DNAH5: variants seen among roughly 807,000 people sequenced by gnomAD.
DNAH5 encodes the protein axonemal beta dynein heavy chain 5.
In DNAH5, 372 loss-of-function variants were observed where a neutral mutation model predicts 518.2. The ratio of observed to expected loss-of-function variants is 0.72; its 90% confidence interval spans 0.66 to 0.78. The LOEUF (loss-of-function observed/expected upper bound fraction) is 0.78. Among genes scored for constraint, DNAH5 ranks in the 30% least tolerant of loss-of-function variants. The pLI, the probability that DNAH5 is intolerant of heterozygous loss-of-function variation, is 0.00. For missense variants in DNAH5, 5,523 were observed against 5,687.0 expected (o/e 0.97, Z 0.93); for synonymous variants, 2,039 against 2,025.9 (o/e 1.01, Z -0.17).
intron 12 of DNAH5, 132 bp downstream of exon 12, chr5:13,911,254 G>A: frequency 1.4e-6 from 1 of 725,726 alleles, no homozygotes; most frequent in Non-Finnish European, 2.5e-6. Context: ...CGAAACACAG[G>A]CTGAGGTTGC....
intron 1 of DNAH5, among the ~76,000 whole-genome samples, chr5:13,962,707 A>T (rs1373026035): frequency 6.6e-6 from 1 of 152,128 alleles, no homozygotes; most frequent in Non-Finnish European, 1.5e-5. Flanking sequence ...ACTTGATTAG[A>T]TATAAAGGGG....
Position 13,761,767 on chromosome 5 carries a change from C to A in DNAH5, c.10281+955G>T, listed in dbSNP as rs184915936. On this transcript the variant is annotated intron_variant, in intron 60 of 78. Transcript: ENST00000265104. ...TCCATGGTGTCAGACAGCATGACAT[C>A]AATTATTTGCTCTGAAATTCTCGGA... Among the ~76,000 whole-genome samples the A allele has an allele frequency of 4.1e-4, 62 of 152,300 alleles. 1 individual carries two copies. In the East Asian group the frequency reaches 9.3e-3, roughly 23 times the overall value.
At chr5:13,957,928 C>T (rs1780875636) in intron 1 of DNAH5, among the ~76,000 whole-genome samples, 2 of 151,506 alleles carry the variant, frequency 1.3e-5, no homozygotes, top group South Asian at 4.2e-4. Context: ...AATAAATATT[C>T]TAGCTCCCGT....
intron 3 of DNAH5, 128 bp downstream of exon 3, chr5:13,927,966 C>T (rs1778051968): frequency 1.4e-6 from 1 of 732,780 alleles, no homozygotes; most frequent in Non-Finnish European, 2.4e-6. Context: ...CACATGGACC[C>T]ACACACGCAT....
intron 65 of DNAH5, among the ~76,000 whole-genome samples, chr5:13,742,235 T>G (rs985055996): frequency 2.0e-5 from 3 of 152,124 alleles, no homozygotes; most frequent in African/African-American, 7.2e-5. Flanking sequence ...AATGAGAGCA[T>G]GGACTATCAA....
At chr5:13,828,326 T>C (rs1161295141) in intron 38 of DNAH5, among the ~76,000 whole-genome samples, 3 of 152,244 alleles carry the variant, frequency 2.0e-5, no homozygotes, top group Non-Finnish European at 4.4e-5. Context: ...AAAGATTATA[T>C]ATGTTAGGAA....
At chr5:13,995,223 C>T (rs927075448) in intron 1 of DNAH5, among the ~76,000 whole-genome samples, 2 of 152,190 alleles carry the variant, frequency 1.3e-5, no homozygotes, top group Non-Finnish European at 2.9e-5. Flanking sequence ...CTTCTTAAGT[C>T]TCCCACATTG....
chr5:14,006,801 T>C (rs1784750052), intron 1 of DNAH5, among the ~76,000 whole-genome samples: 1 of 152,244 alleles, frequency 6.6e-6, no homozygotes, highest in African/African-American at 2.4e-5. Flanking sequence ...GTGGGCTGAC[T>C]GACAGGAGGG....
Position 13,876,691 on chromosome 5 carries a change from G to T in DNAH5, c.3389C>A (p.Thr1130Asn). ...CAGACCCTCTTGACATACCTTTTTGGTGGAGTTGATAATTGTGCTAAGCAC... is the reference window on the plus strand; with the variant it reads ...CAGACCCTCTTGACATACCTTTTTGTTGGAGTTGATAATTGTGCTAAGCAC... Reference protein sequence around the residue: ...VSVLSTIINSTKKEVITSMDC... With the variant: ...VSVLSTIINSNKKEVITSMDC... The change falls in exon 22 of 79, where the codon ACC becomes AAC. Residue 1130 changes from threonine (T) to asparagine (N), a missense_variant. Thr to Asn is a moderately conservative substitution (Grantham distance 65). Transcript: ENST00000265104. 1.9e-6 allele frequency: 3 copies of T among 1,612,992 alleles called. No individual in the cohort carries two copies. In the African/African-American group the frequency reaches 4.0e-5, roughly 22 times the overall value.
At chr5:13,727,327 T>C (rs573415384) in intron 70 of DNAH5, among the ~76,000 whole-genome samples, 180 bp downstream of exon 70, 3 of 152,238 alleles carry the variant, frequency 2.0e-5, no homozygotes, top group Non-Finnish European at 4.4e-5. Flanking sequence ...AGCCCAAACA[T>C]ATGCCTCAAG....
chr5:13,838,413 G>A (rs934517433), intron 35 of DNAH5, among the ~76,000 whole-genome samples: 3 of 152,104 alleles, frequency 2.0e-5, no homozygotes, highest in Non-Finnish European at 2.9e-5. Context: ...TCACATAACC[G>A]CCTGAGCTCT....
chr5:13,719,926 C>T (rs1254660695), intron 71 of DNAH5, among the ~76,000 whole-genome samples: 2 of 152,206 alleles, frequency 1.3e-5, no homozygotes, highest in South Asian at 2.1e-4. Context: ...GGAAGGTCTT[C>T]GTGTAATGCA....
chr5:13,793,981 A>G lies in DNAH5; in HGVS notation c.7965T>C (p.Phe2655=), dbSNP rs2126913602. The part of the protein sequence containing the change: ...GPPAGKKMTV[F]IDDVNMPIIN... Reference sequence around the variant, plus strand: ...TTATTGGCATATTCACATCATCAATAAAAACAGTCATCTTCTTTCCCGCAG... The same window carrying G: ...TTATTGGCATATTCACATCATCAATGAAAACAGTCATCTTCTTTCCCGCAG... Residue 2655 remains phenylalanine, a synonymous_variant, in exon 48 of 79, where the codon TTT becomes TTC. Transcript: ENST00000265104. The G allele has an allele frequency of 6.2e-7, 1 of 1,614,122 alleles. No homozygotes were observed. Among genetic ancestry groups the G allele is most frequent in the South Asian group, 1.1e-5 (1 of 91,078 alleles).
chr5:13,794,767 C>T (rs183188803), intron 47 of DNAH5, among the ~76,000 whole-genome samples: 1 of 152,244 alleles, frequency 6.6e-6, no homozygotes, highest in African/African-American at 2.4e-5. Flanking sequence ...AGATCGAGAC[C>T]ATCCTGGCTA....
intron 47 of DNAH5, among the ~76,000 whole-genome samples, chr5:13,806,966 G>T (rs921994683): frequency 6.6e-6 from 1 of 152,190 alleles, no homozygotes; most frequent in African/African-American, 2.4e-5. Flanking sequence ...GATTAAAGTG[G>T]CATTCTAGGA....
In DNAH5 at chr5:13,776,594, T is replaced by C. The variant is rs138505566; in HGVS notation, c.9218A>G (p.Tyr3073Cys). 137 of 1,613,800 alleles carry C rather than the reference T, an allele frequency of 8.5e-5. No homozygotes were observed. The highest frequency in any genetic ancestry group is 1.2e-4 in the South Asian group (11 of 91,090). Residue 3073 changes from tyrosine (Y) to cysteine (C), a missense_variant, in exon 55 of 79, where the codon TAC (tyrosine) becomes TGC (cysteine). This residue lies in a region of DNAH5 where 5,121 missense variants were observed against 5,223.3 expected (regional missense o/e 0.98). Coordinates refer to ENST00000265104, the MANE Select transcript of DNAH5 (RefSeq NM_001369.3). ...GTTCTGTCGGACCCGACTCATGAAG[T>C]AGTCGTGCAGGTTCTCATTGGTAGG... ...CLPTNENLHDYFMSRVRQNLH... is the reference protein window; with the variant it reads ...CLPTNENLHDCFMSRVRQNLH...
In DNAH5 at chr5:13,771,332, C is replaced by A. The variant is rs183603263; in HGVS notation, c.9374-352G>T. 5.3e-5 allele frequency: 16 copies of A among 299,250 alleles called. No individual in the cohort carries two copies. In the East Asian group the frequency reaches 1.3e-3, roughly 25 times the overall value. 18.5% of individuals were successfully genotyped at this position (299,250 alleles called of 1,614,324 possible). A position where few individuals can be genotyped will look rare whatever the true frequency, so the allele number is the denominator to read the frequency against. The stretch of plus-strand genomic sequence containing the variant: ...TACAAATAACTCAGAAATCAGTGCC[C>A]ACCTGGTACTCATATTTAACAATGC... On this transcript the variant is annotated intron_variant, in intron 55 of 78. Coordinates refer to ENST00000265104, the MANE Select transcript of DNAH5 (RefSeq NM_001369.3).
intron 1 of DNAH5, among the ~76,000 whole-genome samples, chr5:13,980,092 C>T (rs1206314622): frequency 6.6e-6 from 1 of 152,104 alleles, no homozygotes; most frequent in East Asian, 1.9e-4. Flanking sequence ...CCTGCCTCAG[C>T]CTCCCAAAGT....
At chr5:13,778,578 GAA>G (rs1561234303) in intron 53 of DNAH5, among the ~76,000 whole-genome samples, 24 of 74,946 alleles carry the variant, frequency 3.2e-4, no homozygotes, top group African/African-American at 1.2e-3. Context: ...AAGAAAGAAA[GAA>G]AGAAAGAAAG....
Sources: allele counts gnomAD v4.1 joint callset (sites outside exome capture counted in the v4.1 genomes callset), GRCh38; gene constraint gnomAD v4.1.1; regional missense constraint gnomAD v4.1.1; transcripts MANE v1.5; gene names NCBI Gene and HGNC (gene_info 2026-07-23, HGNC 2026-07-21).